FMN2: variants seen among roughly 807,000 people sequenced by gnomAD.
FMN2 encodes formin-2.
A neutral mutation model predicts 142.3 loss-of-function variants in FMN2; 51 were observed. The observed-to-expected ratio is 0.36, with a 90% CI of 0.29 to 0.45. The LOEUF (loss-of-function observed/expected upper bound fraction) is 0.45, where lower values mean the gene tolerates loss of function less well. Ranked by LOEUF, FMN2 falls within the 20% of genes least tolerant of loss-of-function variation. FMN2 has a pLI of 1.00. For missense variants in FMN2, 1,936 were observed against 2,122.8 expected (o/e 0.91, Z 1.73); for synonymous variants, 882 against 869.8 (o/e 1.01, Z -0.25).
intron 15 of FMN2, among the ~76,000 whole-genome samples, chr1:240,407,528 A>T (rs1414863497): frequency 1.3e-5 from 2 of 152,200 alleles, no homozygotes; most frequent in Non-Finnish European, 2.9e-5. Context: ...ATCTGCAGAG[A>T]GTGTCAAGGA....
At chr1:240,272,476 A>G (rs773446466) in intron 7 of FMN2, among the ~76,000 whole-genome samples, 4 of 152,138 alleles carry the variant, frequency 2.6e-5, no homozygotes, top group Non-Finnish European at 5.9e-5. Context: ...TTGTATTTCA[A>G]AATTGGCTGA....
intron 7 of FMN2, among the ~76,000 whole-genome samples, chr1:240,273,814 A>G (rs1335706691): frequency 1.3e-5 from 2 of 152,082 alleles, no homozygotes; most frequent in East Asian, 3.9e-4. Context: ...GGTGACTCTC[A>G]GGTGTTGGGG....
chr1:240,465,161 G>A (rs1414655), intron 16 of FMN2, among the ~76,000 whole-genome samples: 51,738 of 151,894 alleles, frequency 0.34, 9,056 homozygotes, highest in East Asian at 0.51. Context: ...AAAAGACATC[G>A]AATAAACTTC....
At chr1:240,342,984 T>C (rs79693436) in intron 13 of FMN2, among the ~76,000 whole-genome samples, 4 of 152,124 alleles carry the variant, frequency 2.6e-5, no homozygotes. Context: ...AAAAAAATAG[T>C]ATTTCAAGCA....
At chr1:240,209,395 C>T (rs984025655) in intron 5 of FMN2, among the ~76,000 whole-genome samples, 3 of 151,468 alleles carry the variant, frequency 2.0e-5, no homozygotes, top group Non-Finnish European at 4.4e-5. Context: ...GGACTACAGG[C>T]GCCCGCCACC....
chr1:240,450,949 G>T (rs993501650), intron 16 of FMN2, among the ~76,000 whole-genome samples: 2 of 152,194 alleles, frequency 1.3e-5, no homozygotes, highest in Admixed American at 6.5e-5. Context: ...TGAAATGAAG[G>T]TTAACAGGAC....
intron 8 of FMN2, among the ~76,000 whole-genome samples, chr1:240,308,556 A>G (rs1670494059): frequency 6.6e-6 from 1 of 152,210 alleles, no homozygotes; most frequent in Non-Finnish European, 1.5e-5. Context: ...AACCAGAAAC[A>G]GAAACTAAGA....
At chr1:240,158,310 A>G (rs1358516783) in intron 2 of FMN2, among the ~76,000 whole-genome samples, 1 of 152,180 alleles carries the variant, frequency 6.6e-6, no homozygotes, top group Non-Finnish European at 1.5e-5. Flanking sequence ...GGCTGGAGGT[A>G]GGAGAACCTT....
intron 6 of FMN2, chr1:240,245,694 A>G (rs1419663777): frequency 6.7e-6 from 3 of 449,412 alleles, no homozygotes; most frequent in Non-Finnish European, 1.4e-5. Flanking sequence ...TAAAAGATGA[A>G]AAGTTAATTT....
intron 2 of FMN2, among the ~76,000 whole-genome samples, chr1:240,175,259 TCGGCTGTTGTGAACATG>T (rs1373874245): frequency 6.6e-6 from 1 of 152,212 alleles, no homozygotes; most frequent in Non-Finnish European, 1.5e-5. Context: ...CTTCCACCTT[TCGGCTGTTGTGAACATG>T]CTGTTATGAA....
chr1:240,394,726 C>T (rs1241891528), intron 15 of FMN2, among the ~76,000 whole-genome samples: 9 of 152,156 alleles, frequency 5.9e-5, no homozygotes, highest in African/African-American at 1.9e-4. Context: ...CTAGCACTTT[C>T]GGAGCCCAAG....
At chr1:240,314,992 C>T (rs1469138722) in intron 8 of FMN2, among the ~76,000 whole-genome samples, 6 of 152,210 alleles carry the variant, frequency 3.9e-5, no homozygotes, top group Admixed American at 2.6e-4. Flanking sequence ...TTCTGACACA[C>T]ATAGAGTAAA....
At chr1:240,442,439 G>A (rs974079743) in intron 16 of FMN2, among the ~76,000 whole-genome samples, 12 of 152,210 alleles carry the variant, frequency 7.9e-5, no homozygotes, top group African/African-American at 2.7e-4. Flanking sequence ...TCCCTTCAGA[G>A]CAGTGTTTTT....
At chr1:240,197,909 TC>T (rs1283846634) in intron 4 of FMN2, among the ~76,000 whole-genome samples, 1 of 152,082 alleles carries the variant, frequency 6.6e-6, no homozygotes, top group Non-Finnish European at 1.5e-5. Flanking sequence ...CCTCAGGTGA[TC>T]CACCCACCTC....
At position 240,148,201 on chromosome 1, in the gene FMN2, CAG is replaced by C. The variant is rs753745242; in HGVS notation, c.1782+24868_1782+24869del. Among the ~76,000 whole-genome samples the C allele has an allele frequency of 3.3e-5, 5 of 149,836 alleles. 1 individual carries two copies. In the South Asian group the frequency reaches 6.4e-4, roughly 19 times the overall value. Reference sequence around the variant, plus strand: ...AGAGAGACAGAGACAGGGACAGAGACAGAGAGAGAGAGACAGAGACAGAGAGA... The same window carrying C: ...AGAGAGACAGAGACAGGGACAGAGACAGAGAGAGAGACAGAGACAGAGAGA... On this transcript the variant is annotated intron_variant, in intron 2 of 17. Transcript: ENST00000319653.
intron 2 of FMN2, among the ~76,000 whole-genome samples, chr1:240,146,567 G>A (rs927625405): frequency 1.4e-4 from 22 of 151,874 alleles, no homozygotes; most frequent in African/African-American, 4.6e-4. Flanking sequence ...AGCCGGGCGT[G>A]GTGGCATGCA....
intron 3 of FMN2, among the ~76,000 whole-genome samples, chr1:240,186,906 T>C (rs1472437082): frequency 6.0e-5 from 9 of 151,180 alleles, no homozygotes; most frequent in Non-Finnish European, 1.2e-4. Flanking sequence ...GCCTTTTATT[T>C]TTCTGTAGCA....
chr1:240,187,269 CA>C (rs10610560), intron 3 of FMN2, among the ~76,000 whole-genome samples: 2,122 of 83,752 alleles, frequency 0.025, 13 homozygotes, highest in South Asian at 0.051. Flanking sequence ...AACTCCATCT[CA>C]AAAAAAAAAA....
At chr1:240,395,877 GA>G in intron 15 of FMN2, among the ~76,000 whole-genome samples, 1 of 152,152 alleles carries the variant, frequency 6.6e-6, no homozygotes, top group Non-Finnish European at 1.5e-5. Flanking sequence ...GGTTTGAGAG[GA>G]TTTACTCCAA....
Sources: allele counts gnomAD v4.1 joint callset (sites outside exome capture counted in the v4.1 genomes callset), GRCh38; gene constraint gnomAD v4.1.1; transcripts MANE v1.5; gene names NCBI Gene and HGNC (gene_info 2026-07-23, HGNC 2026-07-21).